Variants in SLC5A3 observed in about 807,000 individuals in gnomAD.
The protein encoded by SLC5A3 is sodium/myo-inositol cotransporter.
In SLC5A3, 10 loss-of-function variants were observed where a neutral mutation model predicts 43.2. The observed-to-expected ratio is 0.23, with a 90% CI of 0.14 to 0.39. The LOEUF (loss-of-function observed/expected upper bound fraction) is 0.39, where lower values mean the gene tolerates loss of function less well. Ranked by LOEUF, SLC5A3 falls within the 10% of genes least tolerant of loss-of-function variation. The pLI is 1.00. For missense variants in SLC5A3, 608 were observed against 893.4 expected (o/e 0.68, Z 4.07); for synonymous variants, 349 against 322.0 (o/e 1.08, Z -0.90).
intron 1 of SLC5A3, among the ~76,000 whole-genome samples, chr21:34,079,554 G>A (rs1335108397): frequency 1.4e-5 from 2 of 147,844 alleles, no homozygotes; most frequent in Non-Finnish European, 3.0e-5. Flanking sequence ...TCATGTCTCA[G>A]CCTCCCAAGT....
chr21:34,086,449 C>T (rs1334413035), intron 1 of SLC5A3, among the ~76,000 whole-genome samples: 1 of 152,006 alleles, frequency 6.6e-6, no homozygotes, highest in Non-Finnish European at 1.5e-5. Context: ...TGATTTTTCT[C>T]ATTACATTAG....
Position 34,105,019 on chromosome 21 carries a change from T to G in SLC5A3, c.*7664T>G. ...AATTTCACTGTGAGATCTCTAACTT[T>G]TGAGTGGCAAACAGATCAAGTCTTT... is the stretch of plus-strand genomic sequence containing the variant. On this transcript the variant is annotated 3_prime_UTR_variant, in exon 2 of 2. Coordinates refer to ENST00000381151, the MANE Select transcript of SLC5A3 (RefSeq NM_006933.7). 2 of 1,000,220 alleles carry G rather than the reference T, an allele frequency of 2.0e-6. No individual in the cohort carries two copies. The highest frequency in any genetic ancestry group is 2.4e-6 in the Non-Finnish European group (2 of 829,916). 62.0% of individuals were successfully genotyped at this position (1,000,220 alleles called of 1,614,324 possible).
At chr21:34,083,730 C>T (rs1455985388) in intron 1 of SLC5A3, among the ~76,000 whole-genome samples, 2 of 152,202 alleles carry the variant, frequency 1.3e-5, no homozygotes. Context: ...TTTGGTAGCA[C>T]TGTTGGTCTC....
chr21:34,098,334 A>G lies in SLC5A3; in HGVS notation c.*979A>G. 2.0e-6 allele frequency: 2 copies of G among 1,000,270 alleles called. No homozygotes were observed. Among genetic ancestry groups the G allele is most frequent in the Middle Eastern group, 5.2e-4 (1 of 1,916 alleles). The allele number at this position is 1,000,270 out of a possible 1,614,324, so 62.0% of individuals were successfully genotyped here. On this transcript the variant is annotated 3_prime_UTR_variant, in exon 2 of 2. Transcript: ENST00000381151. Reference sequence around the variant, plus strand: ...TTGGAAGATATGTCCAGAAACCTGAAGAAAAATTGACGCTGCCTTTGTGTG... The same window carrying G: ...TTGGAAGATATGTCCAGAAACCTGAGGAAAAATTGACGCTGCCTTTGTGTG...
At chr21:34,074,215 G>T (rs1445709371) in intron 1 of SLC5A3, among the ~76,000 whole-genome samples, 2 of 150,540 alleles carry the variant, frequency 1.3e-5, no homozygotes, top group African/African-American at 4.9e-5. Context: ...GCCGCCGACC[G>T]CCTCCGCTCT....
In SLC5A3 at chr21:34,073,640, C is replaced by T; in HGVS notation, c.-442C>T. ...CTAGGTCCCCACTGTCCCCGCCGTC[C>T]CGCCCCTTCGCGTCCCGGGAACCGG... On this transcript the variant is annotated 5_prime_UTR_variant, in exon 1 of 2. Transcript: ENST00000381151. The T allele has an allele frequency of 2.7e-6, 4 of 1,455,898 alleles. No homozygotes were observed. Among genetic ancestry groups the T allele is most frequent in the African/African-American group, 2.9e-5 (2 of 67,864 alleles). 90.2% of individuals were successfully genotyped at this position (1,455,898 alleles called of 1,614,324 possible).
At chr21:34,078,171 A>G (rs943607444) in intron 1 of SLC5A3, among the ~76,000 whole-genome samples, 3 of 152,194 alleles carry the variant, frequency 2.0e-5, no homozygotes, top group African/African-American at 7.2e-5. Context: ...GGCCCTCCCT[A>G]AACAGCTTAG....
rs1016927600 is a variant in SLC5A3 at position 34,073,607 on chromosome 21, A to G, written c.-475A>G. 12 of 1,110,800 alleles carry G rather than the reference A, an allele frequency of 1.1e-5. No individual in the cohort carries two copies. The highest frequency in any genetic ancestry group is 3.3e-5 in the East Asian group (1 of 30,398). The allele number at this position is 1,110,800 out of a possible 1,614,324, so 68.8% of individuals were successfully genotyped here. A position where few individuals can be genotyped will look rare whatever the true frequency, so the allele number is the denominator to read the frequency against. ...TCGCCGCCTGGGAGCCGTCCGGCGCAGCAGTTTCTAGGTCCCCACTGTCCC... is the reference window on the plus strand; with the variant it reads ...TCGCCGCCTGGGAGCCGTCCGGCGCGGCAGTTTCTAGGTCCCCACTGTCCC... On this transcript the variant is annotated 5_prime_UTR_variant, in exon 1 of 2. Transcript: ENST00000381151.
chr21:34,096,086 A>C lies in SLC5A3; in HGVS notation c.888A>C (p.Lys296Asn). 1.2e-6 allele frequency: 2 copies of C among 1,614,116 alleles called. No individual in the cohort carries two copies. The highest frequency in any genetic ancestry group is 1.7e-6 in the Non-Finnish European group (2 of 1,179,992). ...CAGCCAAAAACATTGCTCATGCCAA[A>C]GGCTCTACTCTTATGGCTGGCTTCT... ...VLAAKNIAHA[K>N]GSTLMAGFLK... is the part of the protein sequence containing the mutation. Residue 296 changes from lysine to asparagine, a missense_variant, in exon 2 of 2, where the codon AAA becomes AAC. By Grantham distance (94) the Lys-to-Asn change is moderately conservative (BLOSUM62 0). Transcript: ENST00000381151. The surrounding 1 kb of genome is among the most constrained non-coding windows in gnomAD (Gnocchi z 5.9).
rs1189132546 is a variant in SLC5A3 at position 34,103,560 on chromosome 21, G to A, written c.*6205G>A. 16 of 1,000,008 alleles carry A rather than the reference G, an allele frequency of 1.6e-5. No individual in the cohort carries two copies. Among genetic ancestry groups the A allele is most frequent in the Admixed American group, 1.2e-4 (2 of 16,232 alleles). The allele number at this position is 1,000,008 out of a possible 1,614,324, so 61.9% of individuals were successfully genotyped here. ...TTATATTCCATGATAGAAAGCTAAA[G>A]TCCATAGAAAGCACAAAATCGTGTT... is the stretch of plus-strand genomic sequence containing the variant. On this transcript the variant is annotated 3_prime_UTR_variant, in exon 2 of 2. Transcript: ENST00000381151.
Position 34,105,060 on chromosome 21 carries a change from C to T in SLC5A3, c.*7705C>T, listed in dbSNP as rs1421519233. ...TCAAGTCTTTTGCTCATAGACTTTT[C>T]TGTGGGGTTATTAAAATGCAAAAGC... On this transcript the variant is annotated 3_prime_UTR_variant, in exon 2 of 2. Transcript: ENST00000381151. The T allele has an allele frequency of 1.0e-6, 1 of 999,926 alleles. No homozygotes were observed. The highest frequency in any genetic ancestry group is 1.2e-6 in the Non-Finnish European group (1 of 829,816). 61.9% of individuals were successfully genotyped at this position (999,926 alleles called of 1,614,324 possible).
Position 34,096,181 on chromosome 21 carries a change from T to C in SLC5A3, c.983T>C (p.Ile328Thr), listed in dbSNP as rs1265427555. The C allele has an allele frequency of 2.5e-6, 4 of 1,614,084 alleles. No homozygotes were observed. The highest frequency in any genetic ancestry group is 3.4e-6 in the Non-Finnish European group (4 of 1,180,014). The change falls in exon 2 of 2, where the codon ATA becomes ACA. Residue 328 changes from isoleucine to threonine, a missense_variant. By Grantham distance (89) the Ile-to-Thr change is moderately conservative. Transcript: ENST00000381151. The surrounding 1 kb of genome is among the most constrained non-coding windows in gnomAD (Gnocchi z 5.9). Reference sequence around the variant, plus strand: ...TCCAGGATACTGTTTACTGATGATATAGCTTGCATCAACCCAGAGCACTGC... The same window carrying C: ...TCCAGGATACTGTTTACTGATGATACAGCTTGCATCAACCCAGAGCACTGC... ...MISRILFTDD[I>T]ACINPEHCML...
chr21:34,091,968 G>A (rs1003050223), intron 1 of SLC5A3, among the ~76,000 whole-genome samples: 6 of 152,042 alleles, frequency 3.9e-5, no homozygotes, highest in African/African-American at 1.4e-4. Context: ...ATGATGAACT[G>A]TGACAAAAAG....
chr21:34,097,410 A>AC lies in SLC5A3; in HGVS notation c.*55_*56insC, dbSNP rs1239699495. ...AGACAATACTGACTGGTCTTTGGGG[A>AC]AAAAAGTTATGTAACTGTGCATCTC... On this transcript the variant is annotated 3_prime_UTR_variant, in exon 2 of 2. Transcript: ENST00000381151. 7.4e-7 allele frequency: 1 copy of AC among 1,355,292 alleles called. No homozygotes were observed. Among genetic ancestry groups the AC allele is most frequent in the South Asian group, 1.5e-5 (1 of 66,528 alleles). 84.0% of individuals were successfully genotyped at this position (1,355,292 alleles called of 1,614,324 possible).
In SLC5A3 at chr21:34,098,417, A is replaced by G. The variant is rs368310120; in HGVS notation, c.*1062A>G. On this transcript the variant is annotated 3_prime_UTR_variant, in exon 2 of 2. Coordinates refer to ENST00000381151, the MANE Select transcript of SLC5A3 (RefSeq NM_006933.7). ...ATCAAGGTTGAATTTTTAGAGGGAA[A>G]ATTTAATTCTGATATCTTATTGCAT... is the stretch of plus-strand genomic sequence containing the variant. 106 of 1,000,202 alleles carry G rather than the reference A, an allele frequency of 1.1e-4. No individual in the cohort carries two copies. The African/African-American group carries it at 1.7e-3, about 16-fold the overall frequency. The allele number at this position is 1,000,202 out of a possible 1,614,324, so 62.0% of individuals were successfully genotyped here. A position where few individuals can be genotyped will look rare whatever the true frequency, so the allele number is the denominator to read the frequency against.
intron 1 of SLC5A3, 41 bp from the exon 2 acceptor site, chr21:34,094,822 C>T (rs1978894238): frequency 1.7e-5 from 3 of 174,852 alleles, no homozygotes; most frequent in African/African-American, 4.7e-5. Flanking sequence ...GCGAGACCTC[C>T]TCTACTTCAA....
Position 34,097,580 on chromosome 21 carries a change from T to C in SLC5A3, c.*225T>C. 7.7e-7 allele frequency: 1 copy of C among 1,291,170 alleles called. No individual in the cohort carries two copies. The highest frequency in any genetic ancestry group is 9.9e-7 in the Non-Finnish European group (1 of 1,012,240). The allele number at this position is 1,291,170 out of a possible 1,614,324, so 80.0% of individuals were successfully genotyped here. On this transcript the variant is annotated 3_prime_UTR_variant, in exon 2 of 2. Transcript: ENST00000381151. ...AACCTAACAGACTGAATTGTGCAAA[T>C]GTGGTTTTAAATTTTGCATACCAAA...
At chr21:34,083,223 G>A (rs754950944) in intron 1 of SLC5A3, among the ~76,000 whole-genome samples, 23 of 152,180 alleles carry the variant, frequency 1.5e-4, no homozygotes, top group Admixed American at 4.6e-4. Flanking sequence ...TCTCATTGTG[G>A]TGATCAGAAG....
rs1193230268 is a variant in SLC5A3 at position 34,099,678 on chromosome 21, CTCTTG to C, written c.*2328_*2332del. On this transcript the variant is annotated 3_prime_UTR_variant, in exon 2 of 2. Transcript: ENST00000381151. ...TTAGGGTCCCTCTACCTTCTTTCTGCTCTTGTCTTAGTAAGATACATAAGGTACAT... is the reference window on the plus strand; with the variant it reads ...TTAGGGTCCCTCTACCTTCTTTCTGCTCTTAGTAAGATACATAAGGTACAT... 5.0e-6 allele frequency: 5 copies of C among 997,742 alleles called. No individual in the cohort carries two copies. Among genetic ancestry groups the C allele is most frequent in the African/African-American group, 3.5e-5 (2 of 57,134 alleles). The allele number at this position is 997,742 out of a possible 1,614,324, so 61.8% of individuals were successfully genotyped here.
Sources: allele counts gnomAD v4.1 joint callset (sites outside exome capture counted in the v4.1 genomes callset), GRCh38; gene constraint gnomAD v4.1.1; non-coding constraint Gnocchi (gnomAD v3.1); transcripts MANE v1.5; gene names NCBI Gene and HGNC (gene_info 2026-07-23, HGNC 2026-07-21).